The following PID1 variants were observed in gnomAD, a reference collection of about 807,000 sequenced individuals.
PID1 encodes the protein PTB-containing, cubilin and LRP1-interacting protein.
In PID1, 10 loss-of-function variants were observed where a neutral mutation model predicts 19.1. The observed-to-expected ratio is 0.52, with a 90% CI of 0.32 to 0.89. PID1 has a LOEUF of 0.89. PID1 is among the 40% of genes least tolerant of loss of function. The probability of loss-of-function intolerance (pLI) is 0.03; values close to 1 mark genes in which losing one functional copy is unlikely to be tolerated. For missense variants in PID1, 248 were observed against 285.3 expected, an observed-to-expected ratio of 0.87 and a Z score of 0.94; for synonymous variants, 130 against 116.0, an observed-to-expected ratio of 1.12 and a Z score of -0.78.
At chr2:229,197,899 C>T (rs1691410859) in intron 1 of PID1, among the ~76,000 whole-genome samples, 1 of 151,988 alleles carries the variant, frequency 6.6e-6, no homozygotes, top group South Asian at 2.1e-4. Context: ...CAAATGCATT[C>T]ATCAAAGACA....
At chr2:229,042,210 A>G (rs1375769699) in intron 2 of PID1, among the ~76,000 whole-genome samples, 3 of 152,210 alleles carry the variant, frequency 2.0e-5, no homozygotes, top group African/African-American at 7.2e-5. Flanking sequence ...CATATAGAAT[A>G]TAAATGATAA....
At chr2:229,257,083 AC>A (rs1434041099) in intron 1 of PID1, among the ~76,000 whole-genome samples, 3 of 151,928 alleles carry the variant, frequency 2.0e-5, no homozygotes, top group African/African-American at 7.3e-5. Flanking sequence ...CAAACTGCTC[AC>A]CCCTGTGGCT....
Position 229,025,768 on chromosome 2 carries a change from A to G in PID1, c.518T>C (p.Leu173Pro). ...GGCGTGGGCCAGTTTCTTGGCCTCGAGCTTGCTCTCGCACTCCACGGCGTG... is the reference window on the plus strand; with the variant it reads ...GGCGTGGGCCAGTTTCTTGGCCTCGGGCTTGCTCTCGCACTCCACGGCGTG... ...DCHAVECESK[L>P]EAKKLAHAMM... is the part of the protein sequence containing the mutation. The change falls in exon 3 of 3, where the codon CTC becomes CCC. Residue 173 changes from leucine to proline, a missense_variant. By Grantham distance (98) the Leu-to-Pro change is moderately conservative (BLOSUM62 -3). Coordinates refer to ENST00000392055, the MANE Select transcript of PID1 (RefSeq NM_001100818.2). 6.2e-7 allele frequency: 1 copy of G among 1,614,208 alleles called. No individual in the cohort carries two copies. Among genetic ancestry groups the G allele is most frequent in the Non-Finnish European group, 8.5e-7 (1 of 1,180,034 alleles).
chr2:229,039,083 G>T (rs1447520762), intron 2 of PID1, among the ~76,000 whole-genome samples: 3 of 152,160 alleles, frequency 2.0e-5, no homozygotes, highest in Non-Finnish European at 2.9e-5. Flanking sequence ...CTTCCGTGCC[G>T]ATTTGAGCCA....
intron 2 of PID1, among the ~76,000 whole-genome samples, chr2:229,145,478 A>G (rs909373284): frequency 4.6e-5 from 7 of 152,050 alleles, no homozygotes; most frequent in Non-Finnish European, 1.0e-4. Flanking sequence ...TTTTTTCTAG[A>G]TAAATAAACC....
intron 1 of PID1, among the ~76,000 whole-genome samples, chr2:229,163,674 T>TGTGTGTGTGTGTGCGCGCGC (rs374622113): frequency 6.2e-4 from 59 of 94,488 alleles, no homozygotes; most frequent in African/African-American, 1.7e-3. Context: ...TGTGTGTGTG[T>TGTGTGTGTGTGTGCGCGCGC]GCGTGTGCGT....
intron 2 of PID1, among the ~76,000 whole-genome samples, chr2:229,110,228 G>A (rs1165756779): frequency 2.6e-5 from 4 of 152,170 alleles, no homozygotes; most frequent in Non-Finnish European, 5.9e-5. Context: ...ATGTCCAAGC[G>A]CCTTCCTGGC....
chr2:229,045,962 G>A (rs551412697), intron 2 of PID1, among the ~76,000 whole-genome samples: 27 of 152,276 alleles, frequency 1.8e-4, no homozygotes, highest in East Asian at 3.9e-4. Context: ...GAAGGCCTCC[G>A]CTGCCTGCCT....
At chr2:229,053,186 T>C (rs1387957083) in intron 2 of PID1, among the ~76,000 whole-genome samples, 1 of 152,220 alleles carries the variant, frequency 6.6e-6, no homozygotes, top group Admixed American at 6.5e-5. Context: ...ATATTTTGGC[T>C]GTAATTATAT....
chr2:229,070,389 G>A (rs1263804156), intron 2 of PID1, among the ~76,000 whole-genome samples: 1 of 152,120 alleles, frequency 6.6e-6, no homozygotes. Flanking sequence ...GGCTCTTGAG[G>A]GGATTAAATG....
intron 1 of PID1, among the ~76,000 whole-genome samples, chr2:229,261,857 C>A (rs1690468626): frequency 6.6e-6 from 1 of 151,432 alleles, no homozygotes; most frequent in African/African-American, 2.4e-5. Context: ...CAAAAAAAGA[C>A]AAGCTTGCCC....
intron 1 of PID1, among the ~76,000 whole-genome samples, chr2:229,187,562 G>C (rs578182279): frequency 1.3e-5 from 2 of 152,220 alleles, no homozygotes; most frequent in Admixed American, 1.3e-4. Context: ...GCATAGGAAA[G>C]ACCAGCCACG....
At chr2:229,254,886 C>T (rs557032440) in intron 1 of PID1, among the ~76,000 whole-genome samples, 147 of 152,192 alleles carry the variant, frequency 9.7e-4, no homozygotes, top group Middle Eastern at 3.4e-3. Context: ...CAGCACCATC[C>T]CTTTCATTTT....
chr2:229,097,263 G>A (rs966848486), intron 2 of PID1, among the ~76,000 whole-genome samples: 2 of 152,078 alleles, frequency 1.3e-5, no homozygotes, highest in South Asian at 2.1e-4. Context: ...CCCTCGCCCC[G>A]TCTTACATAT....
chr2:229,060,040 A>G (rs952249815), intron 2 of PID1, among the ~76,000 whole-genome samples: 3 of 152,118 alleles, frequency 2.0e-5, no homozygotes, highest in African/African-American at 7.2e-5. Context: ...GGGGTGCACA[A>G]TGATGTTATG....
chr2:229,122,438 A>G (rs1266428353), intron 2 of PID1, among the ~76,000 whole-genome samples: 2 of 152,124 alleles, frequency 1.3e-5, no homozygotes, highest in African/African-American at 2.4e-5. Context: ...CTGGAATCCC[A>G]AACAGGACAT....
At chr2:229,155,748 T>C (rs1690357580) in intron 2 of PID1, 70 bp downstream of exon 2, 25 of 1,337,508 alleles carry the variant, frequency 1.9e-5, no homozygotes, top group South Asian at 1.4e-4. Flanking sequence ...TTGTGAAACA[T>C]AGGTCTCAAG....
At chr2:229,163,649 G>C (rs1221892620) in intron 1 of PID1, among the ~76,000 whole-genome samples, 1 of 78,186 alleles carries the variant, frequency 1.3e-5, no homozygotes, top group Non-Finnish European at 2.9e-5. Flanking sequence ...GAGAGAGAGA[G>C]AGTGTGTGTG....
rs541817553 is a variant in PID1 at position 229,184,432 on chromosome 2, GTA to G, written c.31-28470_31-28469del. On this transcript the variant is annotated intron_variant, in intron 1 of 2. Transcript: ENST00000392055. ...TATCTATCCCGTATATATATAGCCC[GTA>G]TATATATATAGCCCGTATATATATA... Among the ~76,000 whole-genome samples, 142 of 27,274 alleles carry G rather than the reference GTA, an allele frequency of 5.2e-3. 62 individuals are homozygous for G. Among genetic ancestry groups the G allele is most frequent in the Middle Eastern group, 0.14 (2 of 14 alleles). 17.9% of individuals were successfully genotyped at this position (27,274 alleles called of 152,430 possible). A position where few individuals can be genotyped will look rare whatever the true frequency, so the allele number is the denominator to read the frequency against.
Sources: allele counts gnomAD v4.1 joint callset (sites outside exome capture counted in the v4.1 genomes callset), GRCh38; gene constraint gnomAD v4.1.1; transcripts MANE v1.5; gene names NCBI Gene and HGNC (gene_info 2026-07-23, HGNC 2026-07-21).